Variants in SENP1 observed in about 807,000 individuals in gnomAD.
SENP1 encodes sentrin-specific protease 1.
SENP1 carries 21 observed loss-of-function variants against 93.0 expected under a neutral mutation model. The observed-to-expected ratio is 0.23, with a 90% CI of 0.16 to 0.33. The LOEUF (loss-of-function observed/expected upper bound fraction) is 0.33, where lower values mean the gene tolerates loss of function less well. Ranked by LOEUF, SENP1 falls within the 10% of genes least tolerant of loss-of-function variation. The pLI is 1.00. For missense variants in SENP1, 591 were observed against 758.7 expected, an observed-to-expected ratio of 0.78 and a Z score of 2.60; for synonymous variants, 256 against 259.6, an observed-to-expected ratio of 0.99 and a Z score of 0.13.
intron 1 of SENP1, among the ~76,000 whole-genome samples, chr12:48,103,256 T>A (rs765536874): frequency 6.6e-6 from 1 of 152,130 alleles, no homozygotes; most frequent in Non-Finnish European, 1.5e-5. Context: ...TTCAAAGAAT[T>A]TTACCGATTA....
chr12:48,065,707 A>T (rs1943252297), intron 10 of SENP1, 27 bp from the exon 11 acceptor site: 2 of 1,359,238 alleles, frequency 1.5e-6, no homozygotes, highest in Non-Finnish European at 2.1e-6. Flanking sequence ...AACGTGACCA[A>T]ATGTAGACCA....
chr12:48,062,310 C>A (rs1444072188), intron 13 of SENP1, among the ~76,000 whole-genome samples: 1 of 152,216 alleles, frequency 6.6e-6, no homozygotes, highest in Non-Finnish European at 1.5e-5. Context: ...TTATAACTAT[C>A]CTTGATTTAA....
intron 5 of SENP1, chr12:48,088,442 G>A (rs1592442374): frequency 4.4e-6 from 1 of 228,664 alleles, no homozygotes; most frequent in East Asian, 1.4e-4. Flanking sequence ...TTTAAGTCAG[G>A]TCTCTGCTCA....
Position 48,063,148 on chromosome 12 carries a change from T to C in SENP1, c.1407+562A>G, listed in dbSNP as rs759090182. 2.2e-4 allele frequency among the ~76,000 whole-genome samples: 33 copies of C among 152,172 alleles called. 1 individual carries two copies. The highest frequency in any genetic ancestry group is 3.8e-4 in the Non-Finnish European group (26 of 68,010). On this transcript the variant is annotated intron_variant, in intron 13 of 17. Coordinates refer to ENST00000549518, the MANE Select transcript of SENP1 (RefSeq NM_001267594.2). ...TAATATACTTAAAATAAATTGGAGTTAGGAGGTGAAGACCGTAACTTCTCC... is the reference window on the plus strand; with the variant it reads ...TAATATACTTAAAATAAATTGGAGTCAGGAGGTGAAGACCGTAACTTCTCC...
At chr12:48,088,427 T>G in intron 5 of SENP1, 1 of 206,226 alleles carries the variant, frequency 4.8e-6, no homozygotes, top group Non-Finnish European at 9.7e-6. Flanking sequence ...AGAGAACTGC[T>G]TTAGTTTAAG....
At chr12:48,047,822 G>A (rs1160014975) in intron 15 of SENP1, among the ~76,000 whole-genome samples, 179 bp downstream of exon 15, 1 of 152,080 alleles carries the variant, frequency 6.6e-6, no homozygotes, top group African/African-American at 2.4e-5. Context: ...GCTCCCATTA[G>A]GGCATACTTT....
At chr12:48,078,342 C>CATATAT (rs1221230274) in intron 6 of SENP1, among the ~76,000 whole-genome samples, 1 of 21,550 alleles carries the variant, frequency 4.6e-5, no homozygotes, top group Non-Finnish European at 1.5e-4. Flanking sequence ...TATACACACA[C>CATATAT]ATATATATAT....
At chr12:48,078,334 T>TATATATATATATATATATATATATAA in intron 6 of SENP1, among the ~76,000 whole-genome samples, 1 of 67,908 alleles carries the variant, frequency 1.5e-5, no homozygotes, top group Non-Finnish European at 3.0e-5. Context: ...TATATATATA[T>TATATATATATATATATATATATATAA]ACACACACAT....
rs770717860 is a variant in SENP1, at chr12:48,088,898, T to C, written c.283A>G (p.Asn95Asp). Residue 95 changes from asparagine (N) to aspartate (D), a missense_variant, in exon 5 of 18, where the codon AAT (asparagine) becomes GAT (aspartate). Physicochemically the swap from Asn to Asp is conservative, Grantham distance 23. Transcript: ENST00000549518. ...GDLRTFGQSA[N>D]GQWRNSTPSS... ...GGGGTAGAATTTCTCCATTGGCCAT[T>C]TGCACTCTGGCCAAAGGTTCTTAAA... The C allele has an allele frequency of 1.9e-6, 3 of 1,601,244 alleles. No individual in the cohort carries two copies. Among genetic ancestry groups the C allele is most frequent in the South Asian group, 1.1e-5 (1 of 89,086 alleles).
At chr12:48,067,953 C>T (rs1376307024) in intron 9 of SENP1, among the ~76,000 whole-genome samples, 6 of 152,154 alleles carry the variant, frequency 3.9e-5, no homozygotes, top group Admixed American at 2.6e-4. Flanking sequence ...CTCCACCTCT[C>T]GGGTTCAAGA....
At chr12:48,094,578 G>A (rs2137259179) in intron 4 of SENP1, among the ~76,000 whole-genome samples, 1 of 152,120 alleles carries the variant, frequency 6.6e-6, no homozygotes, top group South Asian at 2.1e-4. Context: ...TACTCGGGAG[G>A]CTGAGGCAGG....
chr12:48,088,152 A>C (rs1945004898), intron 5 of SENP1, among the ~76,000 whole-genome samples: 1 of 152,028 alleles, frequency 6.6e-6, no homozygotes, highest in Non-Finnish European at 1.5e-5. Context: ...TCCCAGGTTC[A>C]AGTGATTCTC....
chr12:48,045,501 G>C, intron 17 of SENP1, 117 bp from the exon 18 acceptor site: 1 of 766,076 alleles, frequency 1.3e-6, no homozygotes, highest in Non-Finnish European at 2.2e-6. Flanking sequence ...TTGTATTTCT[G>C]GTCTTTTAAA....
intron 4 of SENP1, among the ~76,000 whole-genome samples, chr12:48,093,869 G>A (rs548021423): frequency 6.6e-6 from 1 of 152,184 alleles, no homozygotes; most frequent in African/African-American, 2.4e-5. Context: ...AGGGGGCTGA[G>A]GTGGGAGGAT....
intron 5 of SENP1, among the ~76,000 whole-genome samples, chr12:48,087,464 A>G (rs1254327699): frequency 1.3e-5 from 2 of 152,240 alleles, no homozygotes. Context: ...GCATATAGAA[A>G]ATCTTTAATG....
intron 12 of SENP1, among the ~76,000 whole-genome samples, chr12:48,064,407 A>G (rs1023051366): frequency 6.6e-6 from 1 of 152,180 alleles, no homozygotes; most frequent in Non-Finnish European, 1.5e-5. Context: ...TGTATTTTCC[A>G]AATTTTCTAT....
intron 13 of SENP1, among the ~76,000 whole-genome samples, chr12:48,061,477 AG>A (rs1394279058): frequency 6.6e-6 from 1 of 152,152 alleles, no homozygotes; most frequent in Non-Finnish European, 1.5e-5. Flanking sequence ...GCTCAGTCAT[AG>A]CTCACTATAA....
At chr12:48,087,286 T>C (rs1944945409) in intron 5 of SENP1, among the ~76,000 whole-genome samples, 2 of 152,230 alleles carry the variant, frequency 1.3e-5, no homozygotes, top group African/African-American at 4.8e-5. Flanking sequence ...TGTACTAAGA[T>C]ATTACAGAGT....
chr12:48,069,824 A>G (rs919552753), intron 9 of SENP1, among the ~76,000 whole-genome samples: 2 of 152,186 alleles, frequency 1.3e-5, no homozygotes, highest in Non-Finnish European at 2.9e-5. Context: ...GTCTCCCCAA[A>G]AGACTTAACA....
Sources: gnomAD v4.1 joint callset for allele counts (sites outside exome capture counted in the v4.1 genomes callset) on GRCh38, gnomAD v4.1.1 for gene constraint, MANE v1.5 for transcripts, NCBI Gene and HGNC (gene_info 2026-07-23, HGNC 2026-07-21) for gene names.